CA1: variants seen among roughly 807,000 people sequenced by gnomAD.
The protein encoded by CA1 is carbonic anhydrase 1.
Under a neutral mutation model 28.8 loss-of-function variants are expected in CA1, and 27 were observed. The ratio of observed to expected loss-of-function variants is 0.94; its 90% CI spans 0.69 to 1.29. CA1 has a LOEUF of 1.29. Ranked by LOEUF, CA1 falls within the 50% of genes most tolerant of loss-of-function variation. The pLI, the probability that CA1 is intolerant of heterozygous loss-of-function variation, is 0.00. For synonymous variants in CA1, 121 were observed against 108.8 expected, an observed-to-expected ratio of 1.11 and a Z score of -0.70; for missense variants, 335 against 310.5, an observed-to-expected ratio of 1.08 and a Z score of -0.59.
chr8:85,338,158 G>A (rs745766766), intron 3 of CA1, 94 bp downstream of exon 3: 59 of 1,082,520 alleles, frequency 5.5e-5, no homozygotes, highest in South Asian at 1.3e-5. Flanking sequence ...AAGCACAAAA[G>A]ACTTAGAATG....
intron 1 of CA1, among the ~76,000 whole-genome samples, chr8:85,355,549 C>CTTTTT (rs11353842): frequency 1.1e-3 from 123 of 108,664 alleles, no homozygotes; most frequent in Middle Eastern, 5.4e-3. Context: ...TGTCTAGTTC[C>CTTTTT]TTTTTTTTTT....
chr8:85,337,051 C>T lies in CA1; in HGVS notation c.248G>A (p.Gly83Asp), dbSNP rs770105146. Residue 83 changes from glycine (G) to aspartate (D), a missense_variant, in exon 4 of 8, where the codon GGT (glycine) becomes GAT (aspartate). Gly to Asp is a moderately conservative substitution (Grantham distance 94). Coordinates refer to ENST00000523022, the MANE Select transcript of CA1 (RefSeq NM_001128831.4). Reference protein sequence around the residue: ...DNDNRSVLKGGPFSDSYRLFQ... With the variant: ...DNDNRSVLKGDPFSDSYRLFQ... ...GAGCCTGTAGCTGTCAGAGAAAGGACCACCTTTCAGCACTGGAAGAAAAGG... is the reference window on the plus strand; with the variant it reads ...GAGCCTGTAGCTGTCAGAGAAAGGATCACCTTTCAGCACTGGAAGAAAAGG... 10 of 1,601,998 alleles carry T rather than the reference C, an allele frequency of 6.2e-6. No individual in the cohort carries two copies. The highest frequency in any genetic ancestry group is 1.7e-4 in the Middle Eastern group (1 of 6,040).
intron 1 of CA1, among the ~76,000 whole-genome samples, chr8:85,371,055 A>C (rs1810204577): frequency 6.6e-6 from 1 of 152,162 alleles, no homozygotes; most frequent in Admixed American, 6.6e-5. Context: ...GACTACTGCC[A>C]TCTTTAGGAT....
chr8:85,345,977 C>A (rs568324022), intron 1 of CA1, among the ~76,000 whole-genome samples: 11 of 152,172 alleles, frequency 7.2e-5, no homozygotes, highest in African/African-American at 2.6e-4. Flanking sequence ...ATTGCTGTAA[C>A]TAAAGAAAAG....
chr8:85,356,124 T>C (rs1271468341), intron 1 of CA1, among the ~76,000 whole-genome samples: 2 of 152,166 alleles, frequency 1.3e-5, no homozygotes, highest in Non-Finnish European at 2.9e-5. Context: ...ATCAGGAACC[T>C]TGAGATTAAA....
intron 1 of CA1, among the ~76,000 whole-genome samples, chr8:85,351,391 A>G (rs551020454): frequency 6.6e-6 from 1 of 152,378 alleles, no homozygotes; most frequent in African/African-American, 2.4e-5. Flanking sequence ...GAAAAAAGGA[A>G]TCATCTTTTA....
At chr8:85,361,601 CA>C (rs1809798880) in intron 1 of CA1, among the ~76,000 whole-genome samples, 2 of 152,238 alleles carry the variant, frequency 1.3e-5, no homozygotes, top group South Asian at 2.1e-4. Flanking sequence ...CACTTGAACC[CA>C]GGGGGTGGAG....
intron 1 of CA1, among the ~76,000 whole-genome samples, chr8:85,370,693 G>A (rs1292474618): frequency 6.6e-6 from 1 of 152,058 alleles, no homozygotes; most frequent in African/African-American, 2.4e-5. Context: ...TGTAGTATAA[G>A]TATGTACAGA....
chr8:85,336,641 C>A (rs1358262246), intron 4 of CA1, among the ~76,000 whole-genome samples: 2 of 152,186 alleles, frequency 1.3e-5, no homozygotes, highest in East Asian at 3.9e-4. Flanking sequence ...GGGGTTACAG[C>A]TTTAAAGGAG....
chr8:85,332,621 T>G (rs376042856), intron 5 of CA1, 69 bp from the exon 6 acceptor site: 15 of 1,218,028 alleles, frequency 1.2e-5, no homozygotes, highest in Middle Eastern at 2.2e-4. Context: ...AGCTAAATTT[T>G]GAATTTTTTT....
chr8:85,377,057 T>G (rs557992667), intron 1 of CA1, among the ~76,000 whole-genome samples: 1 of 152,242 alleles, frequency 6.6e-6, no homozygotes, highest in Admixed American at 6.5e-5. Context: ...GTATTAACTT[T>G]AGAAATTTAA....
At chr8:85,337,443 A>G (rs1210927410) in intron 3 of CA1, among the ~76,000 whole-genome samples, 1 of 152,164 alleles carries the variant, frequency 6.6e-6, no homozygotes, top group Non-Finnish European at 1.5e-5. Flanking sequence ...TGCATCAAAA[A>G]TCTTTAGTAG....
intron 4 of CA1, among the ~76,000 whole-genome samples, chr8:85,336,667 T>C (rs1190017600): frequency 1.3e-5 from 2 of 152,194 alleles, no homozygotes; most frequent in African/African-American, 4.8e-5. Context: ...GTGTCATCCT[T>C]TGAAGCTAGC....
At chr8:85,365,682 A>G (rs977661972) in intron 1 of CA1, among the ~76,000 whole-genome samples, 2 of 152,216 alleles carry the variant, frequency 1.3e-5, no homozygotes, top group Admixed American at 6.5e-5. Context: ...TTCACCTTCA[A>G]TATAGCCTGG....
chr8:85,377,536 G>T (rs1810462989), intron 1 of CA1, among the ~76,000 whole-genome samples: 1 of 152,224 alleles, frequency 6.6e-6, no homozygotes, highest in African/African-American at 2.4e-5. Flanking sequence ...TGGGCACAGT[G>T]GCTCACGCCT....
chr8:85,363,283 A>G (rs1304833663), intron 1 of CA1, among the ~76,000 whole-genome samples: 1 of 152,218 alleles, frequency 6.6e-6, no homozygotes, highest in Non-Finnish European at 1.5e-5. Context: ...AGCACAATAA[A>G]TAATTCTGTT....
At chr8:85,358,045 G>A (rs940500620) in intron 1 of CA1, among the ~76,000 whole-genome samples, 4 of 152,162 alleles carry the variant, frequency 2.6e-5, no homozygotes, top group Non-Finnish European at 5.9e-5. Flanking sequence ...ATCTTCATTA[G>A]CATTATAGTT....
Position 85,337,018 on chromosome 8 carries a change from A to T in CA1, c.281T>A (p.Phe94Tyr). Residue 94 changes from phenylalanine (F) to tyrosine (Y), a missense_variant, in exon 4 of 8, where the codon TTC becomes TAC. Phe to Tyr is a conservative substitution (Grantham distance 22, BLOSUM62 3). Coordinates refer to ENST00000523022, the MANE Select transcript of CA1 (RefSeq NM_001128831.4). ...PFSDSYRLFQ[F>Y]HFHWGSTNEH... is the part of the protein sequence containing the mutation. ...ATTTGTACTGCCCCAGTGAAAATGG[A>T]ACTGAAAGAGCCTGTAGCTGTCAGA... The T allele has an allele frequency of 6.2e-7, 1 of 1,613,354 alleles. No individual in the cohort carries two copies. The highest frequency in any genetic ancestry group is 8.5e-7 in the Non-Finnish European group (1 of 1,179,376).
intron 1 of CA1, among the ~76,000 whole-genome samples, chr8:85,366,243 G>T (rs540327729): frequency 6.7e-6 from 1 of 148,514 alleles, no homozygotes; most frequent in East Asian, 2.0e-4. Context: ...GAACTCCTGA[G>T]CTCAAGTGAT....
Sources: allele counts gnomAD v4.1 joint callset (sites outside exome capture counted in the v4.1 genomes callset), GRCh38; gene constraint gnomAD v4.1.1; transcripts MANE v1.5; gene names NCBI Gene and HGNC (gene_info 2026-07-23, HGNC 2026-07-21).